PDE1C: variants seen among roughly 807,000 people sequenced by gnomAD.
The protein encoded by PDE1C is phosphodiesterase 1C.
A neutral mutation model predicts 93.1 loss-of-function variants in PDE1C; 62 were observed. The ratio of observed to expected loss-of-function variants is 0.67; its 90% CI spans 0.54 to 0.82. The LOEUF (loss-of-function observed/expected upper bound fraction) is 0.82, where lower values mean the gene tolerates loss of function less well. PDE1C is among the 40% of genes least tolerant of loss of function. The probability of loss-of-function intolerance (pLI) is 0.00; values close to 1 mark genes in which losing one functional copy is unlikely to be tolerated. For missense variants in PDE1C, 742 were observed against 884.6 expected (o/e 0.84, Z 2.04); for synonymous variants, 325 against 310.1 (o/e 1.05, Z -0.50).
In PDE1C at chr7:31,774,186, C is replaced by T. The variant is rs1795682363; in HGVS notation, c.1960+1478G>A. 2.0e-5 allele frequency among the ~76,000 whole-genome samples: 3 copies of T among 152,108 alleles called. No homozygotes were observed. The South Asian group carries it at 6.2e-4, about 32-fold the overall frequency. Reference sequence around the variant, plus strand: ...TTGAATTTTCACACACCATTGACTGCAAAACATCCCAATTCAAAATGGGTT... The same window carrying T: ...TTGAATTTTCACACACCATTGACTGTAAAACATCCCAATTCAAAATGGGTT... On this transcript the variant is annotated intron_variant, in intron 17 of 17. Coordinates refer to ENST00000396191, the MANE Select transcript of PDE1C (RefSeq NM_001191057.4).
chr7:31,741,731 T>C, the PDE1C span, among the ~76,000 whole-genome samples: 2 of 152,278 alleles, frequency 1.3e-5, no homozygotes, highest in South Asian at 2.1e-4. Context: ...TGGCTCATCA[T>C]AGGGATCAGG....
At chr7:32,025,345 G>T (rs1019812197) in intron 2 of PDE1C, among the ~76,000 whole-genome samples, 1 of 152,178 alleles carries the variant, frequency 6.6e-6, no homozygotes, top group African/African-American at 2.4e-5. Context: ...CCAGGGTCCA[G>T]ATGGGTGTAG....
intron 2 of PDE1C, among the ~76,000 whole-genome samples, chr7:32,009,886 C>T (rs909659472): frequency 3.9e-5 from 6 of 152,070 alleles, no homozygotes; most frequent in African/African-American, 1.4e-4. Flanking sequence ...TTTCTGGATA[C>T]TATAAATGAA....
intron 2 of PDE1C, among the ~76,000 whole-genome samples, chr7:31,985,410 G>A (rs1233748384): frequency 6.6e-6 from 1 of 151,918 alleles, no homozygotes; most frequent in Non-Finnish European, 1.5e-5. Context: ...ACTTTAATAC[G>A]TTTTTTATTA....
At chr7:31,672,953 C>T in the PDE1C span, among the ~76,000 whole-genome samples, 14 of 152,278 alleles carry the variant, frequency 9.2e-5, 1 homozygote, top group Middle Eastern at 6.8e-3. Context: ...TGATAAGTGT[C>T]TTGTGCCTCC....
the PDE1C span, chr7:31,651,209 T>C: frequency 6.2e-7 from 1 of 1,613,612 alleles, no homozygotes; most frequent in Non-Finnish European, 8.5e-7. Flanking sequence ...TTAGAAGAAA[T>C]TGAACAGCAC....
intron 1 of PDE1C, among the ~76,000 whole-genome samples, chr7:32,312,759 T>C (rs1201478031): frequency 6.6e-6 from 1 of 152,150 alleles, no homozygotes; most frequent in Non-Finnish European, 1.5e-5. Context: ...TAATTCAAAA[T>C]GGATTAAAGA....
the PDE1C span, among the ~76,000 whole-genome samples, chr7:31,660,365 T>A: frequency 1.6e-4 from 24 of 152,226 alleles, no homozygotes; most frequent in Admixed American, 4.6e-4. Context: ...TAAACATATA[T>A]CTATGTAAAG....
intron 1 of PDE1C, among the ~76,000 whole-genome samples, chr7:32,280,614 T>C (rs1164005511): frequency 2.0e-5 from 3 of 152,320 alleles, no homozygotes; most frequent in East Asian, 1.9e-4. Context: ...TTGGACCACA[T>C]AGAAAGTTGC....
the PDE1C span, chr7:31,658,429 A>G: frequency 6.9e-7 from 1 of 1,443,540 alleles, no homozygotes; most frequent in Non-Finnish European, 9.1e-7. Context: ...CAGTTTCCAG[A>G]GTATAACACA....
chr7:32,205,570 G>A (rs1027520594), intron 2 of PDE1C, among the ~76,000 whole-genome samples: 17 of 150,524 alleles, frequency 1.1e-4, no homozygotes, highest in Non-Finnish European at 4.4e-5. Context: ...CAGGATGTGG[G>A]TGGAGCCAAA....
intron 2 of PDE1C, among the ~76,000 whole-genome samples, chr7:32,185,830 A>G (rs115889033): frequency 3.3e-5 from 5 of 152,316 alleles, no homozygotes; most frequent in African/African-American, 1.2e-4. Flanking sequence ...GCACATTTCA[A>G]TGTTCAATAG....
chr7:31,930,127 T>G (rs1469256828), intron 2 of PDE1C, among the ~76,000 whole-genome samples: 2 of 152,158 alleles, frequency 1.3e-5, no homozygotes, highest in African/African-American at 4.8e-5. Flanking sequence ...GAGAATACTA[T>G]AAACACCTCT....
chr7:32,384,339 T>A (rs182806273), intron 1 of PDE1C, among the ~76,000 whole-genome samples: 1 of 152,302 alleles, frequency 6.6e-6, no homozygotes, highest in East Asian at 1.9e-4. Context: ...AGCAGACAGG[T>A]ATTGCATAAA....
chr7:32,175,708 T>C (rs992078223), intron 2 of PDE1C, among the ~76,000 whole-genome samples: 2 of 152,226 alleles, frequency 1.3e-5, no homozygotes, highest in Non-Finnish European at 2.9e-5. Flanking sequence ...CCATAAACAA[T>C]TTTCCAATCC....
chr7:32,268,799 A>C (rs1393718489), intron 1 of PDE1C, among the ~76,000 whole-genome samples: 1 of 152,176 alleles, frequency 6.6e-6, no homozygotes, highest in East Asian at 1.9e-4. Context: ...ATAGCATTGA[A>C]CTTTACATCC....
At chr7:32,315,375 A>T (rs1456835117) in intron 1 of PDE1C, among the ~76,000 whole-genome samples, 1 of 151,998 alleles carries the variant, frequency 6.6e-6, no homozygotes, top group Non-Finnish European at 1.5e-5. Flanking sequence ...AATTGAAAGG[A>T]AGGAAGGTAG....
chr7:31,901,149 AAT>A (rs1311056959), intron 2 of PDE1C, among the ~76,000 whole-genome samples: 17 of 150,792 alleles, frequency 1.1e-4, no homozygotes, highest in Non-Finnish European at 1.6e-4. Context: ...AAAAAAAAAA[AAT>A]GGTTACGAAT....
chr7:32,266,720 A>C (rs1269133726), intron 1 of PDE1C, among the ~76,000 whole-genome samples: 1 of 152,140 alleles, frequency 6.6e-6, no homozygotes, highest in Non-Finnish European at 1.5e-5. Context: ...TCTGGCCCTT[A>C]AACAGAGACC....
Sources: allele counts gnomAD v4.1 joint callset (sites outside exome capture counted in the v4.1 genomes callset), GRCh38; gene constraint gnomAD v4.1.1; transcripts MANE v1.5; gene names NCBI Gene and HGNC (gene_info 2026-07-23, HGNC 2026-07-21).